YTHDC1: variants seen among roughly 807,000 people sequenced by gnomAD.
YTHDC1 encodes YTH domain-containing protein 1.
YTHDC1 carries 12 observed loss-of-function variants against 107.0 expected under a neutral mutation model. That is an observed-to-expected ratio of 0.11 (90% CI 0.07 to 0.18). The LOEUF (loss-of-function observed/expected upper bound fraction) is 0.18. YTHDC1 is among the 10% of genes least tolerant of loss of function. The probability of loss-of-function intolerance (pLI) is 1.00; values close to 1 mark genes in which losing one functional copy is unlikely to be tolerated. For synonymous variants in YTHDC1, 280 were observed against 289.5 expected (o/e 0.97, Z 0.33); for missense variants, 635 against 898.8 (o/e 0.71, Z 3.75).
At chr4:68,331,236 T>A (rs1723548606) in intron 7 of YTHDC1, among the ~76,000 whole-genome samples, 1 of 152,150 alleles carries the variant, frequency 6.6e-6, no homozygotes, top group African/African-American at 2.4e-5. Context: ...TTTCCCCTAA[T>A]ATTTCAATCC....
chr4:68,338,208 G>C, intron 2 of YTHDC1, 75 bp downstream of exon 2: 1 of 1,407,356 alleles, frequency 7.1e-7, no homozygotes. Flanking sequence ...AAAAAGCACA[G>C]TCATTTTTTT....
chr4:68,350,036 G>A lies in YTHDC1; in HGVS notation c.-283C>T. On this transcript the variant is annotated 5_prime_UTR_variant, in exon 1 of 17. Transcript: ENST00000344157. Reference sequence around the variant, plus strand: ...GGGAAGGGAAACAGATGGCGACGGCGGGCGGCGCTAAAATGGAGCCTGCTT... The same window carrying A: ...GGGAAGGGAAACAGATGGCGACGGCAGGCGGCGCTAAAATGGAGCCTGCTT... The A allele has an allele frequency of 5.4e-6, 3 of 550,764 alleles. No individual in the cohort carries two copies. Among genetic ancestry groups the A allele is most frequent in the Non-Finnish European group, 6.5e-6 (2 of 309,844 alleles). 34.1% of individuals were successfully genotyped at this position (550,764 alleles called of 1,614,324 possible).
chr4:68,327,391 T>A lies in YTHDC1; in HGVS notation c.1349+2611A>T, dbSNP rs1429067038. On this transcript the variant is annotated intron_variant, in intron 9 of 16. Transcript: ENST00000344157. ...TGCCTTATTTTGAGCTAATTACAGG[T>A]GGCAACCTTAATAAGTCGCTTTTTA... Among the ~76,000 whole-genome samples, 3 of 149,620 alleles carry A rather than the reference T, an allele frequency of 2.0e-5. No homozygotes were observed. The South Asian group carries it at 6.6e-4, about 33-fold the overall frequency.
At position 68,312,278 on chromosome 4, in the gene YTHDC1, A is replaced by G. The variant is rs1357823492; in HGVS notation, c.*1821T>C. On this transcript the variant is annotated 3_prime_UTR_variant, in exon 17 of 17. Coordinates refer to ENST00000344157, the MANE Select transcript of YTHDC1 (RefSeq NM_001031732.4). ...GCCCATTTAAATGAGTCTGTATATA[A>G]AAGCACAAAGTCTCTATTGCATACA... 1 of 152,194 alleles carries G rather than the reference A, an allele frequency of 6.6e-6. No homozygotes were observed. Among genetic ancestry groups the G allele is most frequent in the Non-Finnish European group, 1.5e-5 (1 of 68,028 alleles). 9.4% of individuals were successfully genotyped at this position (152,194 alleles called of 1,614,324 possible).
chr4:68,337,055 G>T lies in YTHDC1; in HGVS notation c.855C>A (p.Val285=). ...SESVSFTDGS[V]RSGSGTDGSD... ...ATCCATCTGTGCCTGAACCAGATCTGACAGACCCATCTGTGAAGGAAACAG... is the reference window on the plus strand; with the variant it reads ...ATCCATCTGTGCCTGAACCAGATCTTACAGACCCATCTGTGAAGGAAACAG... Residue 285 remains valine (V), a synonymous_variant, in exon 4 of 17, where the codon GTC becomes GTA. Coordinates refer to ENST00000344157, the MANE Select transcript of YTHDC1 (RefSeq NM_001031732.4). 6.2e-7 allele frequency: 1 copy of T among 1,613,144 alleles called. No individual in the cohort carries two copies. Among genetic ancestry groups the T allele is most frequent in the Non-Finnish European group, 8.5e-7 (1 of 1,179,542 alleles).
chr4:68,332,536 T>C (rs1161366511), intron 6 of YTHDC1, among the ~76,000 whole-genome samples: 1 of 151,710 alleles, frequency 6.6e-6, no homozygotes, highest in African/African-American at 2.4e-5. Flanking sequence ...CACATCTATA[T>C]ATAACACATA....
Position 68,322,828 on chromosome 4 carries a change from G to C in YTHDC1, c.1522C>G (p.Arg508Gly), listed in dbSNP as rs369639529. ...TGAGAATGCATTCTTCTCTTGTGAC[G>C]CATTTTATGAATGACCTGATACAAG... ...IDLYQVIHKMRHKRRMHSQPR... is the reference protein window; with the variant it reads ...IDLYQVIHKMGHKRRMHSQPR... The change falls in exon 11 of 17, where the codon CGT (arginine) becomes GGT (glycine). Residue 508 changes from arginine to glycine, a missense_variant. Transcript: ENST00000344157. The surrounding 1 kb of genome is among the most constrained non-coding windows in gnomAD (Gnocchi z 4.8). 2 of 1,614,010 alleles carry C rather than the reference G, an allele frequency of 1.2e-6. No individual in the cohort carries two copies. The highest frequency in any genetic ancestry group is 2.7e-5 in the African/African-American group (2 of 74,904).
Position 68,330,142 on chromosome 4 carries a change from T to C in YTHDC1, c.1232-23A>G, listed in dbSNP as rs762642279. On this transcript the variant is annotated intron_variant, in intron 8 of 16. Coordinates refer to ENST00000344157, the MANE Select transcript of YTHDC1 (RefSeq NM_001031732.4). ...ACCCTAAGAGAATCATATCATAATA[T>C]AATATGTAGATGCTAATATAATTAA... 11 of 1,594,656 alleles carry C rather than the reference T, an allele frequency of 6.9e-6. No homozygotes were observed. In the Admixed American group the frequency reaches 8.5e-5, roughly 12 times the overall value.
At chr4:68,319,698 T>C (rs942545208) in intron 12 of YTHDC1, among the ~76,000 whole-genome samples, 1 of 152,134 alleles carries the variant, frequency 6.6e-6, no homozygotes, top group African/African-American at 2.4e-5. Context: ...TACCGAGTAT[T>C]TCCCATTCCT....
intron 1 of YTHDC1, among the ~76,000 whole-genome samples, chr4:68,346,531 T>C (rs1172379446): frequency 6.6e-6 from 1 of 152,242 alleles, no homozygotes; most frequent in African/African-American, 2.4e-5. Context: ...AAGTTTTAAA[T>C]TGTGCGCTAA....
At chr4:68,320,435 C>G (rs183021987) in intron 11 of YTHDC1, among the ~76,000 whole-genome samples, 4 of 152,206 alleles carry the variant, frequency 2.6e-5, no homozygotes, top group Admixed American at 2.6e-4. Context: ...CCAACTCATG[C>G]TATGATGAGA....
At chr4:68,339,032 G>T (rs1724530646) in intron 1 of YTHDC1, among the ~76,000 whole-genome samples, 1 of 152,074 alleles carries the variant, frequency 6.6e-6, no homozygotes, top group Admixed American at 6.6e-5. Flanking sequence ...CAATAAATTA[G>T]TATACAAATA....
chr4:68,340,351 C>G (rs1340111683), intron 1 of YTHDC1, among the ~76,000 whole-genome samples: 1 of 151,924 alleles, frequency 6.6e-6, no homozygotes, highest in African/African-American at 2.4e-5. Context: ...TTGGGTGGTA[C>G]CAATGCTGAT....
At chr4:68,349,240 A>C (rs755533187) in intron 1 of YTHDC1, among the ~76,000 whole-genome samples, 1 of 152,254 alleles carries the variant, frequency 6.6e-6, no homozygotes, top group Non-Finnish European at 1.5e-5. Context: ...AGGAACAGCC[A>C]GAAGTTATTT....
At chr4:68,329,124 T>A (rs1366115341) in intron 9 of YTHDC1, among the ~76,000 whole-genome samples, 1 of 152,132 alleles carries the variant, frequency 6.6e-6, no homozygotes, top group African/African-American at 2.4e-5. Context: ...TTAGGCTGAC[T>A]CACATTCATT....
chr4:68,337,474 TCAG>T (rs758269992), intron 3 of YTHDC1, 24 bp from the exon 4 acceptor site: 1 of 1,608,950 alleles, frequency 6.2e-7, no homozygotes, highest in African/African-American at 1.3e-5. Context: ...AAAAAGGGAA[TCAG>T]CAGTCATATA....
chr4:68,340,947 G>A (rs949932123), intron 1 of YTHDC1, among the ~76,000 whole-genome samples: 5 of 151,992 alleles, frequency 3.3e-5, no homozygotes, highest in Admixed American at 6.6e-5. Context: ...AAGTTTTAAC[G>A]AATTCAAATT....
chr4:68,350,004 TG>T lies in YTHDC1; in HGVS notation c.-252del, dbSNP rs1179339437. ...TTAGGGCTCAGACTCGGGCTAGGTA[TG>T]GGGGAGGGAAGGGAAACAGATGGCG... On this transcript the variant is annotated 5_prime_UTR_variant, in exon 1 of 17. Coordinates refer to ENST00000344157, the MANE Select transcript of YTHDC1 (RefSeq NM_001031732.4). 1 of 583,404 alleles carries T rather than the reference TG, an allele frequency of 1.7e-6. No individual in the cohort carries two copies. Among genetic ancestry groups the T allele is most frequent in the African/African-American group, 1.9e-5 (1 of 52,540 alleles). The allele number at this position is 583,404 out of a possible 1,614,324, so 36.1% of individuals were successfully genotyped here.
At chr4:68,333,483 G>T (rs1723818530) in intron 4 of YTHDC1, 86 bp from the exon 5 acceptor site, 4 of 903,262 alleles carry the variant, frequency 4.4e-6, no homozygotes, top group South Asian at 3.2e-5. Flanking sequence ...TACATGTCTA[G>T]TTTTTGCATA....
Sources: gnomAD v4.1 joint callset for allele counts (sites outside exome capture counted in the v4.1 genomes callset) on GRCh38, gnomAD v4.1.1 for gene constraint, Gnocchi (gnomAD v3.1) non-coding constraint, MANE v1.5 for transcripts, NCBI Gene and HGNC (gene_info 2026-07-23, HGNC 2026-07-21) for gene names.